Variants in LRRC37B observed in about 807,000 individuals in gnomAD.
The protein encoded by LRRC37B is leucine rich repeat containing 37B, also known as leucine-rich repeat-containing protein 37B.
LRRC37B carries 28 observed loss-of-function variants against 98.3 expected under a neutral mutation model. That is an observed-to-expected ratio of 0.28 (90% CI 0.21 to 0.39). LRRC37B has a LOEUF of 0.39. Ranked by LOEUF, LRRC37B falls within the 10% of genes least tolerant of loss-of-function variation. The pLI, the probability that LRRC37B is intolerant of heterozygous loss-of-function variation, is 1.00. For missense variants in LRRC37B, 938 were observed against 1,182.7 expected (o/e 0.79, Z 3.03); for synonymous variants, 364 against 442.7 (o/e 0.82, Z 2.23).
intron 7 of LRRC37B, among the ~76,000 whole-genome samples, chr17:32,043,501 C>T (rs563009045): frequency 2.3e-4 from 35 of 152,332 alleles, no homozygotes; most frequent in African/African-American, 8.4e-4. Context: ...ACAAAGGCTG[C>T]AGTGAGCCGA....
intron 2 of LRRC37B, among the ~76,000 whole-genome samples, chr17:32,027,252 GTA>G (rs1910980959): frequency 6.6e-6 from 1 of 152,102 alleles, no homozygotes; most frequent in African/African-American, 2.4e-5. Context: ...ATTCTGAAAG[GTA>G]TATTATGATC....
chr17:32,030,536 C>G (rs950808453), intron 3 of LRRC37B, 120 bp from the exon 7 acceptor site: 20 of 807,848 alleles, frequency 2.5e-5, no homozygotes, highest in Non-Finnish European at 3.5e-5. Context: ...AATACAGGTC[C>G]AAATGTTTAG....
exon 1 of LRRC37B, chr17:32,021,994 A>C (rs753565889): frequency 1.2e-6 from 2 of 1,614,112 alleles, no homozygotes; most frequent in South Asian, 2.2e-5. Flanking sequence ...CTCCAGGAAG[A>C]AGCCCCAGCG....
chr17:32,008,791 T>C (rs1346756039), intron 1 of LRRC37B, among the ~76,000 whole-genome samples: 1 of 152,210 alleles, frequency 6.6e-6, no homozygotes, highest in Admixed American at 6.5e-5. Flanking sequence ...AAATGGCTGA[T>C]TAAAAAGCAA....
chr17:32,007,951 C>A, upstream of LRRC37B: 1 of 557,102 alleles, frequency 1.8e-6, no homozygotes, highest in Admixed American at 3.7e-5. This position sits in a 1 kb window ranked among gnomAD's most constrained non-coding sequence, Gnocchi z 4.1. Flanking sequence ...ATGATGACTA[C>A]GAGAGCGAGG....
At chr17:32,049,553 G>A (rs1267432797) in intron 10 of LRRC37B, among the ~76,000 whole-genome samples, 159 bp downstream of exon 13, 1 of 152,078 alleles carries the variant, frequency 6.6e-6, no homozygotes, top group Non-Finnish European at 1.5e-5. Context: ...CATGTAGACA[G>A]TGAAATAGAT....
upstream of LRRC37B, chr17:32,020,865 G>C: frequency 5.2e-6 from 5 of 967,990 alleles, no homozygotes; most frequent in East Asian, 3.5e-5. Context: ...CACCACAGCA[G>C]GCCGCTGGAG....
chr17:32,044,411 G>C (rs1249448171), intron 7 of LRRC37B, among the ~76,000 whole-genome samples: 4 of 152,148 alleles, frequency 2.6e-5, no homozygotes, highest in Admixed American at 2.6e-4. Context: ...GTCAAAGATA[G>C]TTGTCTTGTA....
At chr17:32,041,365 A>G (rs954118565) in intron 7 of LRRC37B, 1 of 754,476 alleles carries the variant, frequency 1.3e-6, no homozygotes, top group Admixed American at 1.7e-5. Flanking sequence ...AAGGTGCTGT[A>G]TGACTTCCAG....
chr17:32,024,672 G>A (rs773620619), intron 1 of LRRC37B, 39 bp from the exon 5 acceptor site: 17 of 1,606,190 alleles, frequency 1.1e-5, no homozygotes, highest in South Asian at 1.1e-5. Context: ...TTCATTCTTT[G>A]CGTGCCTATT....
In LRRC37B at chr17:32,034,941, G is replaced by A. The variant is rs141921890; in HGVS notation, c.2089G>A (p.Glu697Lys). The A allele has an allele frequency of 1.1e-4, 177 of 1,612,004 alleles. No homozygotes were observed. Among genetic ancestry groups the A allele is most frequent in the South Asian group, 5.6e-4 (51 of 90,778 alleles). Reference sequence around the variant, plus strand: ...CAATCGCAATCCTCTGACTACTGTCGAAGATCCATATCTCTTTGAACTGCC... The same window carrying A: ...CAATCGCAATCCTCTGACTACTGTCAAAGATCCATATCTCTTTGAACTGCC... The change falls in exon 6 of 12, where the codon GAA becomes AAA. Residue 697 changes from glutamate to lysine, a missense_variant. Glu to Lys is a moderately conservative substitution (Grantham distance 56). Around this residue, in one of 2 missense-constraint regions of LRRC37B, gnomAD observed 328 missense variants for 557.0 expected, o/e 0.59. Transcript: ENST00000327564.
chr17:32,043,709 A>T (rs1218332942), intron 7 of LRRC37B, among the ~76,000 whole-genome samples: 1 of 152,224 alleles, frequency 6.6e-6, no homozygotes, highest in Non-Finnish European at 1.5e-5. Context: ...ATTCCTCTAT[A>T]GGTTTGAAAG....
At chr17:32,025,846 T>G (rs4079186) in intron 2 of LRRC37B, among the ~76,000 whole-genome samples, 1 of 152,264 alleles carries the variant, frequency 6.6e-6, no homozygotes, top group South Asian at 2.1e-4. Flanking sequence ...CTGACTATAT[T>G]GTCAGCAGAA....
chr17:32,026,042 G>T (rs1567614732), intron 2 of LRRC37B, among the ~76,000 whole-genome samples: 1 of 152,030 alleles, frequency 6.6e-6, no homozygotes, highest in Non-Finnish European at 1.5e-5. Flanking sequence ...TCTGTCCTTT[G>T]TTCATTTTCC....
At chr17:32,038,990 C>CT (rs1379713436) in intron 7 of LRRC37B, among the ~76,000 whole-genome samples, 4 of 152,106 alleles carry the variant, frequency 2.6e-5, no homozygotes, top group Non-Finnish European at 5.9e-5. Context: ...CCTAAGAAAT[C>CT]TTTAAGAACC....
Position 32,036,976 on chromosome 17 carries a change from A to ATTTT in LRRC37B, c.2204+1363_2204+1366dup, listed in dbSNP as rs71360793. ...GTCACAGTTGTTCCACATCTTCAGC[A>ATTTT]TTTTTTTTTTTTTTTTTTTTTTTTT... is the stretch of plus-strand genomic sequence containing the variant. On this transcript the variant is annotated intron_variant, in intron 7 of 11. Coordinates refer to ENST00000327564, the Ensembl canonical transcript of LRRC37B. 5.2e-4 allele frequency among the ~76,000 whole-genome samples: 27 copies of ATTTT among 51,702 alleles called. 3 individuals carry two copies. The highest frequency in any genetic ancestry group is 7.6e-4 in the Non-Finnish European group (21 of 27,754). The allele number at this position is 51,702 out of a possible 152,430, so 33.9% of individuals were successfully genotyped here.
intron 3 of LRRC37B, among the ~76,000 whole-genome samples, chr17:32,029,151 G>A (rs945900357): frequency 2.6e-5 from 4 of 151,804 alleles, no homozygotes; most frequent in East Asian, 3.8e-4. Flanking sequence ...ACAGGCACAC[G>A]CCGCCATGCC....
At chr17:32,028,249 C>T (rs866998316) in intron 3 of LRRC37B, among the ~76,000 whole-genome samples, 1 of 3,022 alleles carries the variant, frequency 3.3e-4, no homozygotes, top group African/African-American at 1.2e-3. Context: ...GAGAAATATG[C>T]GAGAGAGATC....
intron 11 of LRRC37B, chr17:32,051,671 A>C (rs1911765506): frequency 1.3e-5 from 2 of 152,144 alleles, no homozygotes; most frequent in African/African-American, 4.8e-5. Flanking sequence ...ACTGCACTCT[A>C]GCCTGGGCAA....
Sources: gnomAD v4.1 joint callset for allele counts (sites outside exome capture counted in the v4.1 genomes callset) on GRCh38, gnomAD v4.1.1 for gene constraint, gnomAD v4.1.1 regional missense constraint, Gnocchi (gnomAD v3.1) non-coding constraint, MANE v1.5 for transcripts, NCBI Gene and HGNC (gene_info 2026-07-23, HGNC 2026-07-21) for gene names.